The following SLC47A2 variants were observed in gnomAD, a reference collection of about 807,000 sequenced individuals.
SLC47A2 encodes multidrug and toxin extrusion protein 2.
Under a neutral mutation model 67.7 loss-of-function variants are expected in SLC47A2, and 52 were observed. The ratio of observed to expected loss-of-function variants is 0.77; its 90% CI spans 0.61 to 0.97. SLC47A2 has a LOEUF of 0.97. Among genes scored for constraint, SLC47A2 ranks in the 50% least tolerant of loss-of-function variants. The pLI is 0.00. For missense variants in SLC47A2, 676 were observed against 712.3 expected (o/e 0.95, Z 0.58); for synonymous variants, 278 against 292.9 (o/e 0.95, Z 0.52).
At chr17:19,682,329 TCACACACACA>T (rs376421449) in intron 13 of SLC47A2, among the ~76,000 whole-genome samples, 31 of 143,886 alleles carry the variant, frequency 2.2e-4, no homozygotes, top group South Asian at 2.3e-4. Context: ...CGAGACTTGG[TCACACACACA>T]CACACACACA....
At chr17:19,705,531 G>T in intron 9 of SLC47A2, 28 bp from the exon 10 acceptor site, 4 of 1,600,382 alleles carry the variant, frequency 2.5e-6, no homozygotes, top group Non-Finnish European at 3.4e-6. Flanking sequence ...CGTGAGTCCG[G>T]CCCGCAGCCC....
intron 13 of SLC47A2, chr17:19,702,136 A>T: frequency 1.0e-6 from 1 of 985,212 alleles, no homozygotes; most frequent in South Asian, 4.7e-5. Flanking sequence ...ACATAATTCA[A>T]ATCTGTGTTA....
chr17:19,704,766 C>T, intron 10 of SLC47A2: 1 of 1,368,060 alleles, frequency 7.3e-7, no homozygotes, highest in Non-Finnish European at 1.0e-6. Context: ...ACGCTGTCAC[C>T]CAGCTCTGGC....
At chr17:19,690,460 G>A (rs1567619231) in intron 13 of SLC47A2, among the ~76,000 whole-genome samples, 1 of 152,000 alleles carries the variant, frequency 6.6e-6, no homozygotes, top group Non-Finnish European at 1.5e-5. Context: ...TACAGCAAAG[G>A]AAACAATCAA....
chr17:19,705,588 A>G, intron 9 of SLC47A2, 85 bp from the exon 10 acceptor site: 1 of 1,290,608 alleles, frequency 7.7e-7, no homozygotes, highest in Non-Finnish European at 1.0e-6. Context: ...TGCTTTGGGG[A>G]CTCAGGGGCT....
chr17:19,704,557 T>C (rs1361474989), intron 10 of SLC47A2: 12 of 1,277,814 alleles, frequency 9.4e-6, no homozygotes, highest in Non-Finnish European at 1.3e-5. Flanking sequence ...CAGAAACCAC[T>C]TGTAAAAATA....
At position 19,681,466 on chromosome 17, in the gene SLC47A2, A is replaced by C; in HGVS notation, c.1298-5T>G. 1 of 1,614,046 alleles carries C rather than the reference A, an allele frequency of 6.2e-7. No individual in the cohort carries two copies. Among genetic ancestry groups the C allele is most frequent in the Non-Finnish European group, 8.5e-7 (1 of 1,179,980 alleles). The stretch of plus-strand genomic sequence containing the variant: ...CCAGCATGCCCAGCCAGAGGCCTGG[A>C]GGAGACAAGTGATGATGGGAACAAT... On this transcript the variant is annotated splice_polypyrimidine_tract_variant and splice_region_variant and intron_variant, in intron 14 of 16. Transcript: ENST00000433844.
chr17:19,706,792 C>T (rs569104414), intron 8 of SLC47A2, 31 bp from the exon 9 acceptor site: 1 of 1,550,794 alleles, frequency 6.4e-7, no homozygotes, highest in East Asian at 2.3e-5. Flanking sequence ...AGCTGACAGC[C>T]TGCCCTGCTT....
In SLC47A2 at chr17:19,713,987, C is replaced by T; in HGVS notation, c.295-14G>A. 5 of 1,607,432 alleles carry T rather than the reference C, an allele frequency of 3.1e-6. No individual in the cohort carries two copies. The highest frequency in any genetic ancestry group is 4.3e-6 in the Non-Finnish European group (5 of 1,175,574). On this transcript the variant is annotated splice_polypyrimidine_tract_variant and intron_variant, in intron 3 of 16. Coordinates refer to ENST00000433844, the MANE Select transcript of SLC47A2 (RefSeq NM_001099646.3). ...GCTGCCGAAGCTCTGCAAAACAGCC[C>T]GCCCCGCGTCAGCCGTTTCCACTGC...
In SLC47A2 at chr17:19,678,588, C is replaced by T. The variant is rs578259339; in HGVS notation, c.*98G>A. 164 of 1,285,802 alleles carry T rather than the reference C, an allele frequency of 1.3e-4. No homozygotes were observed. The African/African-American group carries it at 2.1e-3, about 17-fold the overall frequency. The allele number at this position is 1,285,802 out of a possible 1,614,324, so 79.6% of individuals were successfully genotyped here. A position where few individuals can be genotyped will look rare whatever the true frequency, so the allele number is the denominator to read the frequency against. On this transcript the variant is annotated 3_prime_UTR_variant, in exon 17 of 17. Transcript: ENST00000433844. ...TTTGAGGAGTGGTTCAAAGTGTCCA[C>T]CTGCACTAGACCCCATTGGTGTTTT... is the stretch of plus-strand genomic sequence containing the variant.
intron 13 of SLC47A2, 22 bp from the exon 14 acceptor site, chr17:19,681,692 G>T (rs768848771): frequency 1.9e-6 from 3 of 1,599,268 alleles, no homozygotes; most frequent in Middle Eastern, 3.3e-4. Flanking sequence ...GACAGAAATG[G>T]GCAAGAGTCA....
At chr17:19,693,315 C>A (rs1038269431) in intron 13 of SLC47A2, among the ~76,000 whole-genome samples, 3 of 152,162 alleles carry the variant, frequency 2.0e-5, no homozygotes, top group Admixed American at 6.5e-5. Flanking sequence ...TATGAGATAT[C>A]TCAACAAACT....
At chr17:19,705,550 C>A (rs1429088033) in intron 9 of SLC47A2, 47 bp from the exon 10 acceptor site, 2 of 1,571,970 alleles carry the variant, frequency 1.3e-6, no homozygotes, top group Middle Eastern at 1.9e-4. Context: ...CCCAGACACC[C>A]AGACCCTGCG....
At chr17:19,709,196 A>G (rs2086031205) in intron 5 of SLC47A2, among the ~76,000 whole-genome samples, 1 of 152,210 alleles carries the variant, frequency 6.6e-6, no homozygotes, top group Non-Finnish European at 1.5e-5. Context: ...GGACGAGGGA[A>G]TGGCAGGTAC....
chr17:19,679,564 G>A (rs550038762), intron 16 of SLC47A2, among the ~76,000 whole-genome samples: 36 of 152,324 alleles, frequency 2.4e-4, no homozygotes, highest in African/African-American at 7.0e-4. Context: ...TTGGCCTTCC[G>A]TCTTGAGCAG....
chr17:19,709,024 C>T (rs188332005), intron 5 of SLC47A2, among the ~76,000 whole-genome samples: 45 of 152,354 alleles, frequency 3.0e-4, no homozygotes, highest in Admixed American at 2.0e-3. Flanking sequence ...AGAGAGAGTA[C>T]TCTTTGCACA....
At position 19,692,961 on chromosome 17, in the gene SLC47A2, T is replaced by C. The variant is rs977852448; in HGVS notation, c.1164+9644A>G. The stretch of plus-strand genomic sequence containing the variant: ...TCCTGGCCAACATGGTGAAATCCCA[T>C]CTCTACTCAAAGTACAAAAATTAGC... On this transcript the variant is annotated intron_variant, in intron 13 of 16. Coordinates refer to ENST00000433844, the MANE Select transcript of SLC47A2 (RefSeq NM_001099646.3). Among the ~76,000 whole-genome samples the C allele has an allele frequency of 2.0e-5, 3 of 151,930 alleles. No homozygotes were observed. The East Asian group carries it at 5.8e-4, about 29-fold the overall frequency.
intron 13 of SLC47A2, among the ~76,000 whole-genome samples, 156 bp from the exon 14 acceptor site, chr17:19,681,826 G>T (rs1414623405): frequency 1.3e-5 from 2 of 152,162 alleles, no homozygotes; most frequent in Non-Finnish European, 2.9e-5. Flanking sequence ...TTCCCTGAGG[G>T]TGGCTGTCCA....
At chr17:19,690,597 A>G (rs1034564947) in intron 13 of SLC47A2, among the ~76,000 whole-genome samples, 2 of 152,234 alleles carry the variant, frequency 1.3e-5, no homozygotes, top group African/African-American at 4.8e-5. Context: ...ATCCGATTTA[A>G]AAATGGACAG....
Sources: gnomAD v4.1 joint callset for allele counts (sites outside exome capture counted in the v4.1 genomes callset) on GRCh38, gnomAD v4.1.1 for gene constraint, MANE v1.5 for transcripts, NCBI Gene and HGNC (gene_info 2026-07-23, HGNC 2026-07-21) for gene names.